Variants in PIN1 observed in about 807,000 individuals in gnomAD.
PIN1 encodes the protein peptidylprolyl cis/trans isomerase, NIMA-interacting 1.
A neutral mutation model predicts 19.9 loss-of-function variants in PIN1; 8 were observed. The ratio of observed to expected loss-of-function variants is 0.40; its 90% CI spans 0.24 to 0.72. The LOEUF (loss-of-function observed/expected upper bound fraction) is 0.72, where lower values mean the gene tolerates loss of function less well. Ranked by LOEUF, PIN1 falls within the 30% of genes least tolerant of loss-of-function variation. The pLI is 0.37. For synonymous variants in PIN1, 86 were observed against 90.8 expected (o/e 0.95, Z 0.30); for missense variants, 185 against 226.5 (o/e 0.82, Z 1.18).
chr19:9,842,068 T>C (rs560690371), intron 2 of PIN1, among the ~76,000 whole-genome samples: 15 of 152,098 alleles, frequency 9.9e-5, no homozygotes, highest in Non-Finnish European at 1.6e-4. Context: ...GGCGTCACCG[T>C]AGGTACCTGC....
chr19:9,841,858 G>A (rs1008723534), intron 2 of PIN1, among the ~76,000 whole-genome samples: 1 of 152,214 alleles, frequency 6.6e-6, no homozygotes, highest in African/African-American at 2.4e-5. Context: ...TGGGGATGGA[G>A]CGGCATGAAG....
intron 2 of PIN1, among the ~76,000 whole-genome samples, chr19:9,843,894 T>TA (rs1048808423): frequency 4.0e-5 from 6 of 150,476 alleles, no homozygotes; most frequent in African/African-American, 9.8e-5. Context: ...CTAAAAATAC[T>TA]AAAAAAAAAG....
rs1407526043 is a variant in PIN1, at chr19:9,838,237, A to G, written c.59-199A>G. On this transcript the variant is annotated intron_variant, in intron 1 of 3. Coordinates refer to ENST00000247970, the MANE Select transcript of PIN1 (RefSeq NM_006221.4). The surrounding 1 kb of genome is among the most constrained non-coding windows in gnomAD (Gnocchi z 5.8). ...CCTGTCTGCTCTCACCTAGAATGTTAGCTCTCTAAGGGCAGGGACTGTATC... is the reference window on the plus strand; with the variant it reads ...CCTGTCTGCTCTCACCTAGAATGTTGGCTCTCTAAGGGCAGGGACTGTATC... The G allele has an allele frequency of 1.6e-6, 1 of 642,254 alleles. No individual in the cohort carries two copies. Among genetic ancestry groups the G allele is most frequent in the Non-Finnish European group, 2.8e-6 (1 of 352,458 alleles). 39.8% of individuals were successfully genotyped at this position (642,254 alleles called of 1,614,324 possible). A position where few individuals can be genotyped will look rare whatever the true frequency, so the allele number is the denominator to read the frequency against.
Position 9,849,185 on chromosome 19 carries a change from C to T in PIN1, c.478C>T (p.Leu160Phe). ...CACGGATTCCGGCATCCACATCATC[C>T]TCCGCACTGAGTGAGGGTGGGGAGC... ...VFTDSGIHIILRTE is the reference protein window; with the variant it reads ...VFTDSGIHIIFRTE Residue 160 changes from leucine to phenylalanine, a missense_variant, in exon 4 of 4, where the codon CTC (leucine) becomes TTC (phenylalanine). Physicochemically the swap from Leu to Phe is conservative, Grantham distance 22. Transcript: ENST00000247970. The T allele has an allele frequency of 6.2e-7, 1 of 1,610,448 alleles. No individual in the cohort carries two copies. Among genetic ancestry groups the T allele is most frequent in the Non-Finnish European group, 8.5e-7 (1 of 1,177,690 alleles).
chr19:9,849,170 G>A lies in PIN1; in HGVS notation c.463G>A (p.Gly155Ser), dbSNP rs1185534250. The change falls in exon 4 of 4, where the codon GGC (glycine) becomes AGC (serine). Residue 155 changes from glycine to serine, a missense_variant. Gly to Ser is a moderately conservative substitution (Grantham distance 56, BLOSUM62 0). Transcript: ENST00000247970. Reference sequence around the variant, plus strand: ...GAGCGGGCCCGTGTTCACGGATTCCGGCATCCACATCATCCTCCGCACTGA... The same window carrying A: ...GAGCGGGCCCGTGTTCACGGATTCCAGCATCCACATCATCCTCCGCACTGA... ...EMSGPVFTDS[G>S]IHIILRTE 8 of 1,612,728 alleles carry A rather than the reference G, an allele frequency of 5.0e-6. No homozygotes were observed. Among genetic ancestry groups the A allele is most frequent in the Admixed American group, 1.7e-5 (1 of 59,926 alleles).
chr19:9,835,462 C>G (rs1331549179), intron 1 of PIN1, 60 bp downstream of exon 1: 15 of 1,217,276 alleles, frequency 1.2e-5, no homozygotes, highest in South Asian at 1.2e-4. Flanking sequence ...AGGGCTCGAG[C>G]TCGCCCCTTG....
chr19:9,836,084 T>A (rs1452563576), intron 1 of PIN1: 1 of 152,136 alleles, frequency 6.6e-6, no homozygotes, highest in African/African-American at 2.4e-5. Flanking sequence ...CCAAGATCAT[T>A]CATTTCAGGG....
intron 2 of PIN1, among the ~76,000 whole-genome samples, chr19:9,841,794 C>G (rs566894386): frequency 3.9e-5 from 6 of 152,288 alleles, no homozygotes; most frequent in Non-Finnish European, 8.8e-5. Context: ...CTCTAGTGGT[C>G]TCTGTTCTGA....
intron 1 of PIN1, chr19:9,836,926 C>T (rs183583125): frequency 1.6e-5 from 16 of 1,028,012 alleles, no homozygotes; most frequent in East Asian, 6.0e-5. Context: ...AAGGCTATCC[C>T]ACTCTTAATG....
intron 3 of PIN1, chr19:9,848,689 T>C: frequency 7.1e-6 from 2 of 280,362 alleles, no homozygotes; most frequent in South Asian, 8.1e-5. Context: ...CAGGGTGTGG[T>C]GTGCAGGTGT....
rs1029587342 is a variant in PIN1 at position 9,846,929 on chromosome 19, G to A, written c.272-1101G>A. Among the ~76,000 whole-genome samples, 2 of 152,142 alleles carry A rather than the reference G, an allele frequency of 1.3e-5. No individual in the cohort carries two copies. Among genetic ancestry groups the A allele is most frequent in the African/African-American group, 2.4e-5 (1 of 41,416 alleles). ...TGCCAGGCCTTAGGGTACACGGGGCGGGTGCAGTTCACCCAGAGGGCTGCC... is the reference window on the plus strand; with the variant it reads ...TGCCAGGCCTTAGGGTACACGGGGCAGGTGCAGTTCACCCAGAGGGCTGCC... On this transcript the variant is annotated intron_variant, in intron 2 of 3. Transcript: ENST00000247970. The surrounding 1 kb of genome is among the most constrained non-coding windows in gnomAD (Gnocchi z 5.9).
rs1048295055 is a variant in PIN1, at chr19:9,838,994, A to G, written c.271+346A>G. ...TTCTCTGTAAAATGGGCATCCTCTA[A>G]GGACCATTGTGAAGGTTCAAGGGAA... On this transcript the variant is annotated intron_variant, in intron 2 of 3. Transcript: ENST00000247970. The surrounding 1 kb of genome is among the most constrained non-coding windows in gnomAD (Gnocchi z 5.8). 5.3e-5 allele frequency among the ~76,000 whole-genome samples: 8 copies of G among 152,140 alleles called. No homozygotes were observed. The highest frequency in any genetic ancestry group is 1.9e-4 in the African/African-American group (8 of 41,412).
At chr19:9,839,948 C>G (rs755424825) in intron 2 of PIN1, among the ~76,000 whole-genome samples, 2 of 151,784 alleles carry the variant, frequency 1.3e-5, no homozygotes, top group Non-Finnish European at 2.9e-5. Flanking sequence ...TGTAATGAGC[C>G]GAGATCACAC....
At chr19:9,844,045 G>A (rs991904784) in intron 2 of PIN1, among the ~76,000 whole-genome samples, 3 of 151,808 alleles carry the variant, frequency 2.0e-5, no homozygotes, top group Admixed American at 2.0e-4. Flanking sequence ...GCCAGATTCT[G>A]CCTCAAAAAA....
At chr19:9,837,004 T>C in intron 1 of PIN1, 2 of 489,420 alleles carry the variant, frequency 4.1e-6, no homozygotes. Context: ...TATTATTATT[T>C]TTGGAGATGG....
intron 2 of PIN1, among the ~76,000 whole-genome samples, chr19:9,843,730 G>A (rs552383470): frequency 1.3e-5 from 2 of 152,252 alleles, no homozygotes; most frequent in South Asian, 2.1e-4. Context: ...GAAGGAGCAC[G>A]AGCTCTCTGG....
In PIN1 at chr19:9,848,024, C is replaced by T; in HGVS notation, c.272-6C>T. 6.3e-7 allele frequency: 1 copy of T among 1,588,688 alleles called. No individual in the cohort carries two copies. The highest frequency in any genetic ancestry group is 1.1e-5 in the South Asian group (1 of 90,578). ...CTGGCACTCCCATTCCGTTCCATGT[C>T]CACAGGCTACATCCAGAAGATCAAG... On this transcript the variant is annotated splice_region_variant and splice_polypyrimidine_tract_variant and intron_variant, in intron 2 of 3. Transcript: ENST00000247970.
intron 2 of PIN1, among the ~76,000 whole-genome samples, chr19:9,843,418 G>A (rs1251629177): frequency 6.6e-6 from 1 of 152,284 alleles, no homozygotes; most frequent in Non-Finnish European, 1.5e-5. Context: ...GCAGCGTAAT[G>A]ATCTGGCAAG....
At chr19:9,847,149 C>T (rs1344725139) in intron 2 of PIN1, among the ~76,000 whole-genome samples, 6 of 152,120 alleles carry the variant, frequency 3.9e-5, no homozygotes, top group African/African-American at 1.2e-4. Flanking sequence ...CACACACTTG[C>T]TCACACACAG....
Sources: gnomAD v4.1 joint callset for allele counts (sites outside exome capture counted in the v4.1 genomes callset) on GRCh38, gnomAD v4.1.1 for gene constraint, Gnocchi (gnomAD v3.1) non-coding constraint, MANE v1.5 for transcripts, NCBI Gene and HGNC (gene_info 2026-07-23, HGNC 2026-07-21) for gene names.